Variants in ZNF503 observed in about 807,000 individuals in gnomAD.
ZNF503 encodes the protein zinc finger protein 503.
A neutral mutation model predicts 34.4 loss-of-function variants in ZNF503; 15 were observed. That is an observed-to-expected ratio of 0.44 (90% CI 0.29 to 0.67). ZNF503 has a LOEUF of 0.67. ZNF503 is among the 30% of genes least tolerant of loss of function. ZNF503 has a pLI of 0.13. For synonymous variants in ZNF503, 580 were observed against 456.8 expected (o/e 1.27, Z -3.44); for missense variants, 1,007 against 926.8 (o/e 1.09, Z -1.12).
At chr10:75,320,464 G>A in the ZNF503 span, among the ~76,000 whole-genome samples, 1,304 of 151,974 alleles carry the variant, frequency 8.6e-3, 8 homozygotes, top group Non-Finnish European at 0.013. Flanking sequence ...ACGGGCAACA[G>A]AGTGAGACCC....
At chr10:75,333,309 G>A in the ZNF503 span, among the ~76,000 whole-genome samples, 39 of 68,354 alleles carry the variant, frequency 5.7e-4, no homozygotes, top group African/African-American at 2.0e-3. Flanking sequence ...CCTCCCGGAC[G>A]GGGCGGCTGG....
chr10:75,380,145 C>G, the ZNF503 span, among the ~76,000 whole-genome samples: 1 of 152,182 alleles, frequency 6.6e-6, no homozygotes, highest in Non-Finnish European at 1.5e-5. Flanking sequence ...GGAAGAACAA[C>G]AGAGATGGAA....
chr10:75,342,467 C>T, the ZNF503 span, among the ~76,000 whole-genome samples: 1 of 152,102 alleles, frequency 6.6e-6, no homozygotes, highest in Non-Finnish European at 1.5e-5. Flanking sequence ...TGGGATCATC[C>T]TTCCAGAATG....
the ZNF503 span, among the ~76,000 whole-genome samples, chr10:75,352,494 C>T: frequency 2.0e-5 from 3 of 152,230 alleles, no homozygotes; most frequent in Non-Finnish European, 4.4e-5. Context: ...AGGAAACACA[C>T]TGTCATCTGG....
At chr10:75,284,864 C>G in the ZNF503 span, among the ~76,000 whole-genome samples, 1 of 152,122 alleles carries the variant, frequency 6.6e-6, no homozygotes, top group South Asian at 2.1e-4. Context: ...AAAGCAAGAG[C>G]TAAAGAAATA....
chr10:75,393,117 TAG>T (rs1051801804), downstream of ZNF503, among the ~76,000 whole-genome samples: 2 of 152,234 alleles, frequency 1.3e-5, no homozygotes, highest in African/African-American at 4.8e-5. Flanking sequence ...TAGCCAGGGC[TAG>T]AGTCTTTTAA....
chr10:75,390,847 C>T, the ZNF503 span, among the ~76,000 whole-genome samples: 1 of 152,186 alleles, frequency 6.6e-6, no homozygotes, highest in Non-Finnish European at 1.5e-5. Context: ...GAAATTTATT[C>T]TCACAGTTCT....
At position 75,400,078 on chromosome 10, in the gene ZNF503, A is replaced by ACCCCCCCCCCCCC; in HGVS notation, c.611_612insGGGGGGGGGGGGG (p.Val205GlyfsTer85). On this transcript the variant is annotated frameshift_variant, in exon 2 of 2. Transcript: ENST00000372524. LOFTEE classifies it high-confidence loss of function. ...GGAATCCCGACTTCTCCGACGAAAC[A>ACCCCCCCCCCCCC]CCCCCGCCGCCGCCCCCGCCACCGC... The ACCCCCCCCCCCCC allele has an allele frequency of 6.5e-7, 1 of 1,538,098 alleles. No individual in the cohort carries two copies. Among genetic ancestry groups the ACCCCCCCCCCCCC allele is most frequent in the Non-Finnish European group, 8.7e-7 (1 of 1,145,168 alleles).
the ZNF503 span, among the ~76,000 whole-genome samples, chr10:75,345,727 T>C: frequency 6.8e-5 from 10 of 147,410 alleles, no homozygotes; most frequent in Admixed American, 2.0e-4. Flanking sequence ...GGAGTGGGAA[T>C]AGGTGAGCCA....
the ZNF503 span, among the ~76,000 whole-genome samples, chr10:75,301,899 G>A: frequency 1.3e-5 from 2 of 152,002 alleles, no homozygotes; most frequent in African/African-American, 4.8e-5. Flanking sequence ...GCTAAGAGAA[G>A]AAGTAAGAAA....
chr10:75,381,911 A>C, the ZNF503 span, among the ~76,000 whole-genome samples: 3 of 131,958 alleles, frequency 2.3e-5, no homozygotes, highest in Non-Finnish European at 4.6e-5. Flanking sequence ...GGTTCAAGTG[A>C]TTCTCCCATC....
At position 75,401,525 on chromosome 10, in the gene ZNF503, G is replaced by A. The variant is rs902901102; in HGVS notation, c.-106C>T. The A allele has an allele frequency of 1.4e-6, 2 of 1,390,624 alleles. No individual in the cohort carries two copies. The highest frequency in any genetic ancestry group is 2.4e-5 in the Admixed American group (1 of 41,252). The allele number at this position is 1,390,624 out of a possible 1,614,324, so 86.1% of individuals were successfully genotyped here. A position where few individuals can be genotyped will look rare whatever the true frequency, so the allele number is the denominator to read the frequency against. ...GGGAGCAGGAGCAGCGGGAGGAGGA[G>A]GAGCTGGCGCGGCGGCCACGGGCGC... On this transcript the variant is annotated 5_prime_UTR_variant, in exon 1 of 2. Transcript: ENST00000372524.
the ZNF503 span, among the ~76,000 whole-genome samples, chr10:75,384,401 G>C: frequency 6.6e-6 from 1 of 151,938 alleles, no homozygotes; most frequent in African/African-American, 2.4e-5. Context: ...GACTCACACA[G>C]GCACCAGCAC....
At chr10:75,334,264 A>C in the ZNF503 span, among the ~76,000 whole-genome samples, 1 of 152,118 alleles carries the variant, frequency 6.6e-6, no homozygotes, top group Non-Finnish European at 1.5e-5. Context: ...TAAATTTTTC[A>C]ATTGATTATT....
At chr10:75,306,429 A>G in the ZNF503 span, among the ~76,000 whole-genome samples, 1 of 152,146 alleles carries the variant, frequency 6.6e-6, no homozygotes, top group African/African-American at 2.4e-5. Context: ...GTAGTTCTCT[A>G]CATATTCTGG....
chr10:75,377,880 T>C, the ZNF503 span, among the ~76,000 whole-genome samples: 6 of 152,158 alleles, frequency 3.9e-5, no homozygotes, highest in Admixed American at 3.9e-4. Context: ...TTTTACAGGC[T>C]GCACAGGAAG....
chr10:75,288,146 A>G, the ZNF503 span, among the ~76,000 whole-genome samples: 2 of 152,258 alleles, frequency 1.3e-5, no homozygotes, highest in Non-Finnish European at 2.9e-5. Flanking sequence ...GTCTCAAGAG[A>G]GCCACAGTTA....
Position 75,398,504 on chromosome 10 carries a change from C to A in ZNF503, c.*245G>T, listed in dbSNP as rs1843730652. The A allele has an allele frequency of 2.6e-6, 1 of 388,752 alleles. No homozygotes were observed. Among genetic ancestry groups the A allele is most frequent in the African/African-American group, 2.1e-5 (1 of 48,406 alleles). The allele number at this position is 388,752 out of a possible 1,614,324, so 24.1% of individuals were successfully genotyped here. A position where few individuals can be genotyped will look rare whatever the true frequency, so the allele number is the denominator to read the frequency against. On this transcript the variant is annotated 3_prime_UTR_variant, in exon 2 of 2. Transcript: ENST00000372524. The stretch of plus-strand genomic sequence containing the variant: ...TTTCCTTTTTTTTTCTATAAAAAGT[C>A]AAATGATATTTTTTCAACTTTTATA...
the ZNF503 span, among the ~76,000 whole-genome samples, chr10:75,315,690 C>A: frequency 6.6e-6 from 1 of 152,134 alleles, no homozygotes; most frequent in Non-Finnish European, 1.5e-5. Context: ...AAAGAATCTA[C>A]AAAATAGCCA....
Sources: allele counts gnomAD v4.1 joint callset (sites outside exome capture counted in the v4.1 genomes callset), GRCh38; gene constraint gnomAD v4.1.1; transcripts MANE v1.5; gene names NCBI Gene and HGNC (gene_info 2026-07-23, HGNC 2026-07-21).